Variants in RASGRP3 observed in about 807,000 individuals in gnomAD.
RASGRP3 encodes the protein RAS guanyl releasing protein 3.
RASGRP3 carries 54 observed loss-of-function variants against 82.7 expected under a neutral mutation model. The ratio of observed to expected loss-of-function variants is 0.65; its 90% CI spans 0.52 to 0.82. The LOEUF (loss-of-function observed/expected upper bound fraction) is 0.82. Ranked by LOEUF, RASGRP3 falls within the 40% of genes least tolerant of loss-of-function variation. The pLI, the probability that RASGRP3 is intolerant of heterozygous loss-of-function variation, is 0.00. For missense variants in RASGRP3, 861 were observed against 828.9 expected, an observed-to-expected ratio of 1.04 and a Z score of -0.48; for synonymous variants, 309 against 300.5, an observed-to-expected ratio of 1.03 and a Z score of -0.29.
At chr2:33,525,784 G>A (rs1463344278) in intron 9 of RASGRP3, among the ~76,000 whole-genome samples, 5 of 151,320 alleles carry the variant, frequency 3.3e-5, no homozygotes, top group African/African-American at 9.7e-5. Context: ...GGCTGAGGTG[G>A]AATGATCACT....
chr2:33,548,360 C>CAAA (rs775598057), intron 13 of RASGRP3, among the ~76,000 whole-genome samples: 63 of 78,318 alleles, frequency 8.0e-4, no homozygotes, highest in South Asian at 1.1e-3. Context: ...GACTCCGTCT[C>CAAA]AAAAAAAAAA....
intron 1 of RASGRP3, among the ~76,000 whole-genome samples, chr2:33,444,069 A>G (rs1482967382): frequency 6.6e-6 from 1 of 152,040 alleles, no homozygotes; most frequent in Non-Finnish European, 1.5e-5. Context: ...TTGGGAGGCA[A>G]AGGTGGGAGG....
At chr2:33,464,418 T>G (rs1166968595) in intron 2 of RASGRP3, among the ~76,000 whole-genome samples, 1 of 150,766 alleles carries the variant, frequency 6.6e-6, no homozygotes, top group Non-Finnish European at 1.5e-5. Context: ...CCGTGCCTGG[T>G]CTTAAATTAT....
intron 1 of RASGRP3, among the ~76,000 whole-genome samples, chr2:33,479,210 G>T (rs1667653452): frequency 6.6e-6 from 1 of 152,212 alleles, no homozygotes; most frequent in African/African-American, 2.4e-5. Context: ...TTCCCCCTGT[G>T]ACAGTCCAAG....
At chr2:33,510,800 C>T (rs1220249847) in intron 1 of RASGRP3, among the ~76,000 whole-genome samples, 1 of 152,164 alleles carries the variant, frequency 6.6e-6, no homozygotes, top group Non-Finnish European at 1.5e-5. Context: ...TTTCCCCATT[C>T]AGTTACCTAA....
intron 1 of RASGRP3, among the ~76,000 whole-genome samples, chr2:33,442,640 C>G (rs1486293108): frequency 6.6e-6 from 1 of 152,182 alleles, no homozygotes; most frequent in Non-Finnish European, 1.5e-5. Flanking sequence ...ATGCACTGGC[C>G]TGTTCTATGA....
intron 1 of RASGRP3, among the ~76,000 whole-genome samples, chr2:33,494,078 A>G (rs560661016): frequency 3.9e-4 from 60 of 152,270 alleles, no homozygotes; most frequent in African/African-American, 1.4e-3. Flanking sequence ...TTACTAACTC[A>G]CTATTTACAA....
upstream of RASGRP3, among the ~76,000 whole-genome samples, chr2:33,472,176 G>A (rs1187639414): frequency 6.6e-6 from 1 of 152,012 alleles, no homozygotes; most frequent in African/African-American, 2.4e-5. Flanking sequence ...TCTCATACAT[G>A]CCAGGCATTG....
intron 9 of RASGRP3, among the ~76,000 whole-genome samples, chr2:33,525,455 TC>T (rs1356290611): frequency 6.6e-6 from 1 of 152,024 alleles, no homozygotes; most frequent in Non-Finnish European, 1.5e-5. Context: ...GAGCATTTCA[TC>T]CTTATGAAAA....
chr2:33,511,615 C>G (rs1255768814), intron 1 of RASGRP3, 95 bp from the exon 2 acceptor site: 1 of 152,622 alleles, frequency 6.6e-6, no homozygotes, highest in Non-Finnish European at 1.5e-5. Context: ...CCACCTATAA[C>G]TCAAAGTTTT....
intron 2 of RASGRP3, among the ~76,000 whole-genome samples, chr2:33,514,644 T>C (rs1211544890): frequency 2.0e-5 from 3 of 151,632 alleles, no homozygotes; most frequent in African/African-American, 7.3e-5. Flanking sequence ...GAGATCGCAC[T>C]ACTGCACTCC....
At chr2:33,504,473 A>G (rs968339522) in intron 1 of RASGRP3, among the ~76,000 whole-genome samples, 1 of 152,240 alleles carries the variant, frequency 6.6e-6, no homozygotes, top group South Asian at 2.1e-4. Flanking sequence ...TGCTAAATAG[A>G]CAATAAACAT....
At chr2:33,438,657 T>C (rs764033880) in intron 1 of RASGRP3, among the ~76,000 whole-genome samples, 106 of 152,216 alleles carry the variant, frequency 7.0e-4, no homozygotes, top group Admixed American at 8.5e-4. Context: ...GTTCTACAGA[T>C]TGTTTTATGT....
chr2:33,542,662 C>T lies in RASGRP3; in HGVS notation c.1279-850C>T, dbSNP rs1040048250. On this transcript the variant is annotated intron_variant, in intron 12 of 17. Coordinates refer to ENST00000403687, the MANE Select transcript of RASGRP3 (RefSeq NM_001139488.2). ...TTCTTAATCCACCTCCTCTTTCCCC[C>T]CCCCACCAATATCACTCTATTTTAT... Among the ~76,000 whole-genome samples the T allele has an allele frequency of 4.8e-5, 7 of 146,350 alleles. 1 individual carries two copies. The highest frequency in any genetic ancestry group is 7.6e-5 in the Non-Finnish European group (5 of 65,430).
chr2:33,444,832 G>A (rs1665418847), intron 1 of RASGRP3, among the ~76,000 whole-genome samples: 1 of 152,178 alleles, frequency 6.6e-6, no homozygotes, highest in South Asian at 2.1e-4. Context: ...TTGAAATCTG[G>A]ATGATATGCT....
At chr2:33,468,116 C>G (rs1034777983) in intron 2 of RASGRP3, among the ~76,000 whole-genome samples, 1 of 147,168 alleles carries the variant, frequency 6.8e-6, no homozygotes, top group African/African-American at 2.5e-5. Context: ...CTTTGTAAGT[C>G]CAGTATCTCT....
chr2:33,540,523 T>TTCTC lies in RASGRP3; in HGVS notation c.1278+1331_1278+1334dup, dbSNP rs755061258. On this transcript the variant is annotated intron_variant, in intron 12 of 17. Transcript: ENST00000403687. ...GACTTCCTCAGTCCACATGCGGAAT[T>TTCTC]TCTCTCTCTCTCTCTCTCTCTGTGT... Among the ~76,000 whole-genome samples the TTCTC allele has an allele frequency of 7.1e-5, 9 of 126,128 alleles. No homozygotes were observed. The East Asian group carries it at 1.4e-3, about 20-fold the overall frequency. The allele number at this position is 126,128 out of a possible 152,430, so 82.7% of individuals were successfully genotyped here. A position where few individuals can be genotyped will look rare whatever the true frequency, so the allele number is the denominator to read the frequency against.
chr2:33,484,838 C>G (rs778517236), intron 1 of RASGRP3, among the ~76,000 whole-genome samples: 3 of 152,186 alleles, frequency 2.0e-5, no homozygotes, highest in Non-Finnish European at 2.9e-5. Context: ...TAGTCCTAGT[C>G]TGCCTGGAAA....
chr2:33,558,408 G>T lies in RASGRP3; in HGVS notation c.1705+72G>T. 3.1e-6 allele frequency: 5 copies of T among 1,606,240 alleles called. No individual in the cohort carries two copies. In the South Asian group the frequency reaches 4.4e-5, roughly 14 times the overall value. ...CTCCTCACACTTGGACCTCATTTAG[G>T]TTCTGGGTCTAAACCCGGTCAGTCA... On this transcript the variant is annotated intron_variant, in intron 16 of 17. Transcript: ENST00000403687.
Sources: gnomAD v4.1 joint callset for allele counts (sites outside exome capture counted in the v4.1 genomes callset) on GRCh38, gnomAD v4.1.1 for gene constraint, MANE v1.5 for transcripts, NCBI Gene and HGNC (gene_info 2026-07-23, HGNC 2026-07-21) for gene names.